Variants in ANK2 observed in about 807,000 individuals in gnomAD.
ANK2 encodes ankyrin 2.
Under a neutral mutation model 360.5 loss-of-function variants are expected in ANK2, and 83 were observed. The observed-to-expected ratio is 0.23, with a 90% CI of 0.19 to 0.28. The LOEUF (loss-of-function observed/expected upper bound fraction) is 0.28, where lower values mean the gene tolerates loss of function less well. Ranked by LOEUF, ANK2 falls within the 10% of genes least tolerant of loss-of-function variation. The pLI, the probability that ANK2 is intolerant of heterozygous loss-of-function variation, is 1.00. For synonymous variants in ANK2, 1,740 were observed against 1,759.5 expected, an observed-to-expected ratio of 0.99 and a Z score of 0.28; for missense variants, 4,201 against 4,795.7, an observed-to-expected ratio of 0.88 and a Z score of 3.66.
At position 113,343,154 on chromosome 4, in the gene ANK2, A is replaced by G; in HGVS notation, c.4248+12A>G. 1 of 1,612,290 alleles carries G rather than the reference A, an allele frequency of 6.2e-7. No homozygotes were observed. The highest frequency in any genetic ancestry group is 8.5e-7 in the Non-Finnish European group (1 of 1,178,990). On this transcript the variant is annotated intron_variant, in intron 34 of 45. Transcript: ENST00000357077. ...CTCTATTTGTCAAGGTAATATATAC[A>G]TGGAATTTTGTGATGCATTTTTTTC...
At chr4:113,371,062 A>G (rs1305056301) in intron 43 of ANK2, among the ~76,000 whole-genome samples, 1 of 152,210 alleles carries the variant, frequency 6.6e-6, no homozygotes, top group Non-Finnish European at 1.5e-5. Flanking sequence ...ATTCAAAAAC[A>G]CTTTATATTT....
the ANK2 span, chr4:112,739,143 G>A: frequency 3.3e-5 from 13 of 391,550 alleles, no homozygotes; most frequent in Admixed American, 3.3e-4. Flanking sequence ...AAATAAAACC[G>A]TAAAAACTGC....
intron 4 of ANK2, among the ~76,000 whole-genome samples, chr4:113,200,212 C>G (rs1370227909): frequency 6.6e-6 from 1 of 151,992 alleles, no homozygotes; most frequent in Non-Finnish European, 1.5e-5. Flanking sequence ...AGTCTAAAAC[C>G]CTTATTAGAT....
chr4:113,228,683 T>C (rs2099254175), intron 4 of ANK2, among the ~76,000 whole-genome samples: 1 of 152,034 alleles, frequency 6.6e-6, no homozygotes, highest in South Asian at 2.1e-4. Flanking sequence ...AATGACTTCT[T>C]TTCCTCTGGG....
chr4:112,873,630 G>A (rs1272206207), intron 1 of ANK2, among the ~76,000 whole-genome samples: 8 of 149,852 alleles, frequency 5.3e-5, no homozygotes, highest in Admixed American at 4.0e-4. Context: ...TCCGCCTCCC[G>A]GGTTCACACC....
chr4:112,950,631 G>C (rs1381988675), intron 2 of ANK2, among the ~76,000 whole-genome samples: 7 of 143,330 alleles, frequency 4.9e-5, no homozygotes, highest in Non-Finnish European at 6.0e-5. Context: ...GTGACAGAGC[G>C]AGACTCTGTC....
intron 9 of ANK2, among the ~76,000 whole-genome samples, chr4:113,243,267 T>C (rs1402915897): frequency 6.6e-6 from 1 of 152,230 alleles, no homozygotes; most frequent in Non-Finnish European, 1.5e-5. Context: ...ATGTCTCTTA[T>C]GGTATTTTAC....
chr4:112,954,229 C>CCCTTCCTTCCTTCCTT lies in ANK2; in HGVS notation c.21+49720_21+49735dup, dbSNP rs1162519296. 5.4e-3 allele frequency among the ~76,000 whole-genome samples: 759 copies of CCCTTCCTTCCTTCCTT among 141,452 alleles called. 13 individuals are homozygous for CCCTTCCTTCCTTCCTT. The highest frequency in any genetic ancestry group is 0.019 in the African/African-American group (696 of 36,310). The allele number at this position is 141,452 out of a possible 152,430, so 92.8% of individuals were successfully genotyped here. A position where few individuals can be genotyped will look rare whatever the true frequency, so the allele number is the denominator to read the frequency against. ...CCTCCCCTCCCATCCCTCCCTCCCT[C>CCCTTCCTTCCTTCCTT]CCTTCCTTCCTTCCTTCCTTGCTTC... On this transcript the variant is annotated intron_variant, in intron 2 of 30. Coordinates refer to the ANK2 transcript ENST00000503271.
chr4:113,196,596 C>T (rs545553441), intron 3 of ANK2, 130 bp downstream of exon 3: 29 of 848,608 alleles, frequency 3.4e-5, no homozygotes, highest in African/African-American at 1.3e-4. Flanking sequence ...GGTACAATCA[C>T]GGCTCACCGA....
chr4:113,353,461 C>A lies in ANK2; in HGVS notation c.4843C>A (p.Pro1615Thr). 1 of 1,613,956 alleles carries A rather than the reference C, an allele frequency of 6.2e-7. No homozygotes were observed. Among genetic ancestry groups the A allele is most frequent in the Non-Finnish European group, 8.5e-7 (1 of 1,179,950 alleles). ...AGCACCTTTAGAAATCACTGAATATCCATGTGTAGAAGTTAGAATAGATAA... is the reference window on the plus strand; with the variant it reads ...AGCACCTTTAGAAATCACTGAATATACATGTGTAGAAGTTAGAATAGATAA... ...QKAPLEITEY[P>T]CVEVRIDKEI... The change falls in exon 38 of 46, where the codon CCA (proline) becomes ACA (threonine). Residue 1615 changes from proline to threonine, a missense_variant. Around this residue, in one of 4 missense-constraint regions of ANK2, gnomAD observed 1,268 missense variants for 1,650.8 expected, o/e 0.77. Transcript: ENST00000357077.
At chr4:113,372,460 G>A (rs2096773175) in intron 43 of ANK2, 2 of 961,938 alleles carry the variant, frequency 2.1e-6, no homozygotes, top group Non-Finnish European at 3.1e-6. Context: ...TACAATGTAA[G>A]CTAAAGAAGA....
chr4:113,379,402 T>C lies in ANK2; in HGVS notation c.11860-2055T>C, dbSNP rs575843393. On this transcript the variant is annotated intron_variant, in intron 45 of 45. Transcript: ENST00000357077. ...TATGGAAGCTAGTTAGTTACAGAAC[T>C]CTATTTATGATGTACAACATTTATT... is the stretch of plus-strand genomic sequence containing the variant. Among the ~76,000 whole-genome samples, 3 of 152,342 alleles carry C rather than the reference T, an allele frequency of 2.0e-5. No individual in the cohort carries two copies. The South Asian group carries it at 6.2e-4, about 32-fold the overall frequency.
At chr4:113,054,245 G>A (rs1387138754) in intron 1 of ANK2, among the ~76,000 whole-genome samples, 1 of 152,016 alleles carries the variant, frequency 6.6e-6, no homozygotes, top group East Asian at 1.9e-4. Flanking sequence ...TGGCTTTATA[G>A]GATACCTTAT....
intron 26 of ANK2, 98 bp from the exon 27 acceptor site, chr4:113,330,148 G>T (rs1212526941): frequency 1.3e-5 from 15 of 1,195,926 alleles, no homozygotes; most frequent in South Asian, 2.7e-5. Flanking sequence ...AAAAAAGAGA[G>T]ATTTTGAGAC....
At chr4:112,865,487 TA>T (rs1224731582) in intron 1 of ANK2, among the ~76,000 whole-genome samples, 1 of 152,174 alleles carries the variant, frequency 6.6e-6, no homozygotes, top group Non-Finnish European at 1.5e-5. Context: ...CTATGCCATA[TA>T]AAAAAAGATT....
the ANK2 span, among the ~76,000 whole-genome samples, chr4:112,791,481 T>TCTTC: frequency 5.6e-5 from 1 of 17,736 alleles, no homozygotes; most frequent in African/African-American, 3.4e-4. Flanking sequence ...TTCTTCTTCT[T>TCTTC]TTTTTTTTTT....
the ANK2 span, chr4:112,788,216 C>T: frequency 6.3e-7 from 1 of 1,590,298 alleles, no homozygotes; most frequent in African/African-American, 1.3e-5. Flanking sequence ...GTAATTGGTC[C>T]TGATAGCTTC....
In ANK2 at chr4:112,963,231, T is replaced by A. The variant is rs139766364; in HGVS notation, c.21+58717T>A. On this transcript the variant is annotated intron_variant, in intron 2 of 30. Coordinates refer to the ANK2 transcript ENST00000503271. ...CAAAGCCAAGTGTGTTTCCAAATAC[T>A]TGTTGGTTTTTCTTGGTTGACTCTT... Among the ~76,000 whole-genome samples, 617 of 152,256 alleles carry A rather than the reference T, an allele frequency of 4.1e-3. 5 individuals are homozygous for A. Among genetic ancestry groups the A allele is most frequent in the African/African-American group, 0.013 (557 of 41,568 alleles).
chr4:112,989,303 C>G (rs7665194), intron 2 of ANK2, among the ~76,000 whole-genome samples: 1 of 151,742 alleles, frequency 6.6e-6, no homozygotes, highest in Non-Finnish European at 1.5e-5. Context: ...AGAAACTCAA[C>G]TGATAACTTC....
Sources: gnomAD v4.1 joint callset for allele counts (sites outside exome capture counted in the v4.1 genomes callset) on GRCh38, gnomAD v4.1.1 for gene constraint, gnomAD v4.1.1 regional missense constraint, MANE v1.5 for transcripts, NCBI Gene and HGNC (gene_info 2026-07-23, HGNC 2026-07-21) for gene names.